RAB3B: variants seen among roughly 807,000 people sequenced by gnomAD.
The protein encoded by RAB3B is RAB3B, member RAS oncogene family.
A neutral mutation model predicts 20.5 loss-of-function variants in RAB3B; 11 were observed. That is an observed-to-expected ratio of 0.54 (90% CI 0.34 to 0.89). RAB3B has a LOEUF of 0.89. Among genes scored for constraint, RAB3B ranks in the 40% least tolerant of loss-of-function variants. The probability of loss-of-function intolerance (pLI) is 0.02; values close to 1 mark genes in which losing one functional copy is unlikely to be tolerated. For synonymous variants in RAB3B, 99 were observed against 106.3 expected (o/e 0.93, Z 0.42); for missense variants, 225 against 280.9 (o/e 0.80, Z 1.42).
At chr1:51,971,436 C>CTT (rs57994059) in intron 2 of RAB3B, among the ~76,000 whole-genome samples, 5 of 141,732 alleles carry the variant, frequency 3.5e-5, no homozygotes, top group East Asian at 2.0e-4. Flanking sequence ...TTTTTCTTTT[C>CTT]TTTTTTTTTT....
intron 2 of RAB3B, among the ~76,000 whole-genome samples, chr1:51,963,446 CTT>C (rs1393487192): frequency 2.0e-5 from 3 of 152,138 alleles, no homozygotes; most frequent in African/African-American, 7.3e-5. Flanking sequence ...AAAGTCAACT[CTT>C]TGCCTATTCT....
intron 1 of RAB3B, chr1:51,980,556 A>G (rs1685073115): frequency 6.7e-6 from 5 of 750,044 alleles, no homozygotes; most frequent in East Asian, 2.5e-5. Context: ...ACTGTGCCCA[A>G]TGTGTGCCCA....
intron 1 of RAB3B, among the ~76,000 whole-genome samples, chr1:51,979,526 C>G (rs995944200): frequency 6.6e-6 from 1 of 151,666 alleles, no homozygotes; most frequent in African/African-American, 2.4e-5. Context: ...CTGCCTCAGC[C>G]TCCCAAAGTG....
At chr1:51,949,759 C>T (rs1482060749) in intron 2 of RAB3B, among the ~76,000 whole-genome samples, 2 of 152,240 alleles carry the variant, frequency 1.3e-5, no homozygotes, top group African/African-American at 2.4e-5. Flanking sequence ...CCTTGCTCCA[C>T]TCTAGCCCAC....
chr1:51,923,555 A>C (rs1684201948), intron 4 of RAB3B, among the ~76,000 whole-genome samples: 1 of 152,086 alleles, frequency 6.6e-6, no homozygotes, highest in Non-Finnish European at 1.5e-5. Flanking sequence ...GTCTCTACTA[A>C]AAATACAAAA....
At chr1:51,966,929 G>A (rs1261744936) in intron 2 of RAB3B, among the ~76,000 whole-genome samples, 1 of 152,154 alleles carries the variant, frequency 6.6e-6, no homozygotes, top group Non-Finnish European at 1.5e-5. Flanking sequence ...AAGGTGGCAG[G>A]AAGAGCACTG....
chr1:51,920,892 C>T (rs1684163930), intron 4 of RAB3B, among the ~76,000 whole-genome samples: 2 of 152,166 alleles, frequency 1.3e-5, no homozygotes, highest in South Asian at 4.1e-4. Flanking sequence ...GTTCCTCCTC[C>T]CTGAATTCCA....
At position 51,932,909 on chromosome 1, in the gene RAB3B, T is replaced by C. The variant is rs532439365; in HGVS notation, c.472+409A>G. ...TGCAGGTGTCCAAGAACTTAATACT[T>C]ACCCTAGCTTCCTCTTATTTTTCCC... is the stretch of plus-strand genomic sequence containing the variant. On this transcript the variant is annotated intron_variant, in intron 4 of 4. Transcript: ENST00000371655. 3.3e-5 allele frequency among the ~76,000 whole-genome samples: 5 copies of C among 152,280 alleles called. No homozygotes were observed. In the East Asian group the frequency reaches 7.7e-4, roughly 23 times the overall value.
At chr1:51,931,344 C>G (rs1313450453) in intron 4 of RAB3B, among the ~76,000 whole-genome samples, 1 of 152,148 alleles carries the variant, frequency 6.6e-6, no homozygotes, top group Non-Finnish European at 1.5e-5. Flanking sequence ...GACGTTCCTC[C>G]TCTATGCTCC....
chr1:51,940,420 T>C (rs894160116), intron 2 of RAB3B, among the ~76,000 whole-genome samples: 10 of 152,084 alleles, frequency 6.6e-5, no homozygotes, highest in Admixed American at 6.6e-5. Flanking sequence ...GTCAGGAGTT[T>C]GAGGCCAGCC....
In RAB3B at chr1:51,970,713, A is replaced by C. The variant is rs1373879889; in HGVS notation, c.228+6177T>G. Among the ~76,000 whole-genome samples the C allele has an allele frequency of 4.6e-5, 7 of 152,182 alleles. No individual in the cohort carries two copies. The East Asian group carries it at 1.3e-3, about 29-fold the overall frequency. ...GAACCACAGATGGAAAACTTCAGAA[A>C]GCAACCCAGTGGCTGGGCACGGTGG... On this transcript the variant is annotated intron_variant, in intron 2 of 4. Coordinates refer to ENST00000371655, the MANE Select transcript of RAB3B (RefSeq NM_002867.4).
rs183926072 is a variant in RAB3B at position 51,930,832 on chromosome 1, A to G, written c.472+2486T>C. Among the ~76,000 whole-genome samples the G allele has an allele frequency of 2.6e-4, 40 of 152,266 alleles. 1 individual carries two copies. The East Asian group carries it at 6.8e-3, about 26-fold the overall frequency. On this transcript the variant is annotated intron_variant, in intron 4 of 4. Transcript: ENST00000371655. ...GGAGTTCGAGACCAGCCTGGCCAACATGATGAAACCCCGTCTCTACTGAAA... is the reference window on the plus strand; with the variant it reads ...GGAGTTCGAGACCAGCCTGGCCAACGTGATGAAACCCCGTCTCTACTGAAA...
intron 2 of RAB3B, among the ~76,000 whole-genome samples, chr1:51,961,877 T>C (rs1320577359): frequency 6.6e-6 from 1 of 152,040 alleles, no homozygotes; most frequent in Non-Finnish European, 1.5e-5. Flanking sequence ...CTTAAGTGAT[T>C]CTCCTGCCTC....
At chr1:51,972,618 T>C (rs1457124689) in intron 2 of RAB3B, among the ~76,000 whole-genome samples, 1 of 151,724 alleles carries the variant, frequency 6.6e-6, no homozygotes, top group Non-Finnish European at 1.5e-5. Context: ...CCAACAGAAT[T>C]CATATCATTA....
In RAB3B at chr1:51,909,090, T is replaced by G. The variant is rs1471215341; in HGVS notation, c.*10837A>C. The G allele has an allele frequency of 6.6e-6, 1 of 152,246 alleles. No individual in the cohort carries two copies. Among genetic ancestry groups the G allele is most frequent in the African/African-American group, 2.4e-5 (1 of 41,454 alleles). The allele number at this position is 152,246 out of a possible 1,614,324, so 9.4% of individuals were successfully genotyped here. On this transcript the variant is annotated 3_prime_UTR_variant, in exon 5 of 5. Coordinates refer to ENST00000371655, the MANE Select transcript of RAB3B (RefSeq NM_002867.4). Reference sequence around the variant, plus strand: ...TAGTGGCTGATTCTTCTTGGCTGCTTTTAGCCTCCAGAAGTTTCTCTGAAG... The same window carrying G: ...TAGTGGCTGATTCTTCTTGGCTGCTGTTAGCCTCCAGAAGTTTCTCTGAAG...
At chr1:51,989,728 C>G (rs528005582) in intron 1 of RAB3B, among the ~76,000 whole-genome samples, 2 of 151,852 alleles carry the variant, frequency 1.3e-5, no homozygotes, top group East Asian at 3.9e-4. Context: ...CGGCTCCCTG[C>G]CCCCTTCCTC....
intron 2 of RAB3B, among the ~76,000 whole-genome samples, chr1:51,958,593 C>G (rs1249710542): frequency 6.6e-6 from 1 of 152,156 alleles, no homozygotes; most frequent in East Asian, 1.9e-4. Flanking sequence ...CGTGGAGGCG[C>G]ATGCCTGTAA....
intron 2 of RAB3B, among the ~76,000 whole-genome samples, chr1:51,953,208 T>A (rs573642248): frequency 6.6e-6 from 1 of 152,126 alleles, no homozygotes; most frequent in Non-Finnish European, 1.5e-5. Context: ...CATCACTCTT[T>A]TTGCCTCCAA....
rs972702102 is a variant in RAB3B, at chr1:51,914,057, C to A, written c.*5870G>T. The A allele has an allele frequency of 6.6e-6, 1 of 152,354 alleles. No individual in the cohort carries two copies. Among genetic ancestry groups the A allele is most frequent in the South Asian group, 2.1e-4 (1 of 4,834 alleles). 9.4% of individuals were successfully genotyped at this position (152,354 alleles called of 1,614,324 possible). A position where few individuals can be genotyped will look rare whatever the true frequency, so the allele number is the denominator to read the frequency against. ...TCCTGCCTCAGCCAGAAGAACCACC[C>A]AGCCAACCCACAGAATCATAAGAAA... On this transcript the variant is annotated 3_prime_UTR_variant, in exon 5 of 5. Coordinates refer to ENST00000371655, the MANE Select transcript of RAB3B (RefSeq NM_002867.4).
Sources: gnomAD v4.1 joint callset for allele counts (sites outside exome capture counted in the v4.1 genomes callset) on GRCh38, gnomAD v4.1.1 for gene constraint, MANE v1.5 for transcripts, NCBI Gene and HGNC (gene_info 2026-07-23, HGNC 2026-07-21) for gene names.